PRDM16: variants seen among roughly 807,000 people sequenced by gnomAD.
PRDM16 encodes histone-lysine N-methyltransferase PRDM16.
Under a neutral mutation model 110.6 loss-of-function variants are expected in PRDM16, and 23 were observed. The ratio of observed to expected loss-of-function variants is 0.21; its 90% CI spans 0.15 to 0.29. The LOEUF (loss-of-function observed/expected upper bound fraction) is 0.29, where lower values mean the gene tolerates loss of function less well. Ranked by LOEUF, PRDM16 falls within the 10% of genes least tolerant of loss-of-function variation. The probability of loss-of-function intolerance (pLI) is 1.00; values close to 1 mark genes in which losing one functional copy is unlikely to be tolerated. For synonymous variants in PRDM16, 799 were observed against 781.8 expected, an observed-to-expected ratio of 1.02 and a Z score of -0.37; for missense variants, 1,615 against 1,794.3, an observed-to-expected ratio of 0.90 and a Z score of 1.81.
At chr1:3,074,411 C>A (rs745687204) in intron 1 of PRDM16, among the ~76,000 whole-genome samples, 2 of 151,030 alleles carry the variant, frequency 1.3e-5, no homozygotes, top group Non-Finnish European at 3.0e-5. Flanking sequence ...AGGGTTTTTT[C>A]TGTGTGTGTG....
intron 3 of PRDM16, among the ~76,000 whole-genome samples, chr1:3,362,127 C>T (rs1203685575): frequency 6.6e-6 from 1 of 152,224 alleles, no homozygotes; most frequent in East Asian, 1.9e-4. Flanking sequence ...AGTCCCATCC[C>T]GAGGCAGACA....
At chr1:3,082,891 G>A (rs1474057732) in intron 1 of PRDM16, among the ~76,000 whole-genome samples, 6 of 152,190 alleles carry the variant, frequency 3.9e-5, no homozygotes, top group Admixed American at 1.3e-4. Flanking sequence ...GTCTGTGGCC[G>A]CTGCCTTCGC....
At chr1:3,076,472 C>T (rs1274210186) in intron 1 of PRDM16, among the ~76,000 whole-genome samples, 4 of 152,156 alleles carry the variant, frequency 2.6e-5, no homozygotes, top group Non-Finnish European at 5.9e-5. Flanking sequence ...TGGTCCCCTG[C>T]GTGGAGTGGC....
Position 3,221,732 on chromosome 1 carries a change from C to T in PRDM16, c.388-22355C>T, listed in dbSNP as rs980043206. On this transcript the variant is annotated intron_variant, in intron 2 of 16. Coordinates refer to ENST00000270722, the MANE Select transcript of PRDM16 (RefSeq NM_022114.4). ...ATGTACACGCATGCACACACATACA[C>T]ATGCACAGACGCACATGTGTGCAAA... Among the ~76,000 whole-genome samples the T allele has an allele frequency of 2.0e-4, 31 of 152,366 alleles. 1 individual carries two copies. The highest frequency in any genetic ancestry group is 7.2e-4 in the African/African-American group (30 of 41,594).
chr1:3,195,160 C>T (rs1023571260), intron 2 of PRDM16, among the ~76,000 whole-genome samples: 10 of 152,280 alleles, frequency 6.6e-5, no homozygotes, highest in African/African-American at 2.2e-4. Flanking sequence ...CTGAGGCCAC[C>T]GTGGGGACAG....
At chr1:3,224,486 C>T (rs1255844516) in intron 2 of PRDM16, among the ~76,000 whole-genome samples, 2 of 152,112 alleles carry the variant, frequency 1.3e-5, no homozygotes. Context: ...GGGCCACTCT[C>T]TCTCCCTCTC....
intron 8 of PRDM16, among the ~76,000 whole-genome samples, chr1:3,411,005 G>A (rs945273956): frequency 3.9e-5 from 6 of 152,134 alleles, no homozygotes; most frequent in Non-Finnish European, 8.8e-5. Context: ...CCGGCCCCCC[G>A]ATCTGTGCTG....
chr1:3,276,896 A>G (rs1028189981), intron 3 of PRDM16, among the ~76,000 whole-genome samples: 3 of 152,286 alleles, frequency 2.0e-5, no homozygotes, highest in South Asian at 4.2e-4. Flanking sequence ...GGGCTTGGTC[A>G]AGTTCAGCAC....
intron 3 of PRDM16, among the ~76,000 whole-genome samples, chr1:3,266,431 C>A (rs541653487): frequency 7.2e-5 from 11 of 152,290 alleles, no homozygotes; most frequent in African/African-American, 2.4e-4. Flanking sequence ...CGAATTAATT[C>A]TCTCCCCCTG....
At chr1:3,364,699 G>C (rs943821064) in intron 3 of PRDM16, among the ~76,000 whole-genome samples, 1 of 152,230 alleles carries the variant, frequency 6.6e-6, no homozygotes, top group Non-Finnish European at 1.5e-5. Context: ...TCAGCTGCGC[G>C]GGGGACAGGC....
At chr1:3,105,436 C>T (rs1195244968) in intron 1 of PRDM16, among the ~76,000 whole-genome samples, 1 of 152,230 alleles carries the variant, frequency 6.6e-6, no homozygotes, top group Non-Finnish European at 1.5e-5. Flanking sequence ...GGCTGGTCAG[C>T]AGGCTCTTCC....
At chr1:3,139,308 G>A (rs547785054) in intron 1 of PRDM16, among the ~76,000 whole-genome samples, 16 of 152,338 alleles carry the variant, frequency 1.1e-4, no homozygotes, top group East Asian at 5.8e-4. Context: ...GAGCCGAGCC[G>A]TGCAGATGAG....
At chr1:3,295,513 A>G (rs955626352) in intron 3 of PRDM16, among the ~76,000 whole-genome samples, 15 of 152,212 alleles carry the variant, frequency 9.9e-5, no homozygotes, top group Middle Eastern at 3.4e-3. Context: ...GTGTCCTTCA[A>G]TGCAGGTGTG....
At chr1:3,258,766 C>T (rs759075095) in intron 3 of PRDM16, among the ~76,000 whole-genome samples, 9 of 152,238 alleles carry the variant, frequency 5.9e-5, no homozygotes, top group Non-Finnish European at 1.2e-4. Flanking sequence ...AGCCGGCTCA[C>T]GCACACCGGG....
intron 2 of PRDM16, among the ~76,000 whole-genome samples, chr1:3,218,223 C>T (rs542655924): frequency 6.6e-6 from 1 of 152,368 alleles, no homozygotes; most frequent in East Asian, 1.9e-4. Flanking sequence ...CTGGTTCGTA[C>T]TTCTCCTCTC....
chr1:3,119,960 G>T (rs2100660128), intron 1 of PRDM16, among the ~76,000 whole-genome samples: 1 of 141,270 alleles, frequency 7.1e-6, no homozygotes, highest in South Asian at 2.2e-4. Context: ...TTGGAGGGGG[G>T]AGAGAGGAAG....
chr1:3,190,386 A>T lies in PRDM16; in HGVS notation c.387+3912A>T, dbSNP rs1638271405. 6.6e-6 allele frequency among the ~76,000 whole-genome samples: 1 copy of T among 152,172 alleles called. No individual in the cohort carries two copies. The stretch of plus-strand genomic sequence containing the variant: ...CCTCCGGCCTCAGTTGCTGGTCGGA[A>T]GCCTGCATTCCTTCTACGCTGAGGC... On this transcript the variant is annotated intron_variant, in intron 2 of 16. Coordinates refer to ENST00000270722, the MANE Select transcript of PRDM16 (RefSeq NM_022114.4). The surrounding 1 kb of genome is among the most constrained non-coding windows in gnomAD (Gnocchi z 5.0).
At chr1:3,234,500 C>T (rs1027763577) in intron 2 of PRDM16, among the ~76,000 whole-genome samples, 24 of 152,302 alleles carry the variant, frequency 1.6e-4, no homozygotes, top group Admixed American at 7.8e-4. Context: ...GATTTCTAGC[C>T]GCCTGCCCGA....
intron 1 of PRDM16, among the ~76,000 whole-genome samples, chr1:3,104,064 G>A (rs572794842): frequency 1.1e-4 from 16 of 152,276 alleles, no homozygotes; most frequent in African/African-American, 3.4e-4. Flanking sequence ...CTCCTTGGCC[G>A]GGTAAAGGCA....
Sources: allele counts gnomAD v4.1 joint callset (sites outside exome capture counted in the v4.1 genomes callset), GRCh38; gene constraint gnomAD v4.1.1; non-coding constraint Gnocchi (gnomAD v3.1); transcripts MANE v1.5; gene names NCBI Gene and HGNC (gene_info 2026-07-23, HGNC 2026-07-21).